The following GMDS variants were observed in gnomAD, a reference collection of about 807,000 sequenced individuals.
GMDS encodes the protein GDP-mannose 4,6-dehydratase, also known as GDP-mannose 4,6 dehydratase.
In GMDS, 20 loss-of-function variants were observed where a neutral mutation model predicts 49.9. The observed-to-expected ratio is 0.40, with a 90% CI of 0.28 to 0.58. GMDS has a LOEUF of 0.58. Ranked by LOEUF, GMDS falls within the 20% of genes least tolerant of loss-of-function variation. GMDS has a pLI of 0.42. For missense variants in GMDS, 362 were observed against 481.4 expected, an observed-to-expected ratio of 0.75 and a Z score of 2.32; for synonymous variants, 177 against 178.6, an observed-to-expected ratio of 0.99 and a Z score of 0.07.
At position 1,911,136 on chromosome 6, in the gene GMDS, C is replaced by T. The variant is rs3778550; in HGVS notation, c.771+18967G>A. On this transcript the variant is annotated intron_variant, in intron 7 of 10. Transcript: ENST00000380815. ...TATTTGATGTGGGTAATAGACAGGGCCCTCCAAGAGGAACGTTTCTAAAAG... is the reference window on the plus strand; with the variant it reads ...TATTTGATGTGGGTAATAGACAGGGTCCTCCAAGAGGAACGTTTCTAAAAG... 5.4e-3 allele frequency among the ~76,000 whole-genome samples: 824 copies of T among 152,110 alleles called. 58 individuals are homozygous for T. In the East Asian group the frequency reaches 0.14, roughly 27 times the overall value.
Position 1,710,324 on chromosome 6 carries a change from A to G in GMDS, c.987+16092T>C, listed in dbSNP as rs577598586. ...TGCTGAGAACACAGCAGATCTACTC[A>G]TCAACTTGGTAAAGAAACCAATCAC... On this transcript the variant is annotated intron_variant, in intron 9 of 10. Coordinates refer to ENST00000380815, the MANE Select transcript of GMDS (RefSeq NM_001500.4). Among the ~76,000 whole-genome samples, 3 of 152,370 alleles carry G rather than the reference A, an allele frequency of 2.0e-5. No individual in the cohort carries two copies. The East Asian group carries it at 5.8e-4, about 29-fold the overall frequency.
intron 7 of GMDS, among the ~76,000 whole-genome samples, chr6:1,802,055 C>T (rs1581198130): frequency 6.6e-6 from 1 of 152,156 alleles, no homozygotes; most frequent in Non-Finnish European, 1.5e-5. Flanking sequence ...GCAAATTGTA[C>T]TTAATAAAGG....
chr6:1,831,586 C>T (rs1046615146), intron 7 of GMDS, among the ~76,000 whole-genome samples: 1 of 152,214 alleles, frequency 6.6e-6, no homozygotes, highest in African/African-American at 2.4e-5. Flanking sequence ...CCATGTCACT[C>T]AGGCGATAGA....
chr6:1,944,491 C>T (rs755806198), intron 6 of GMDS, among the ~76,000 whole-genome samples: 4 of 149,076 alleles, frequency 2.7e-5, no homozygotes, highest in Non-Finnish European at 5.9e-5. Context: ...GGCGACAGAG[C>T]CAGATTGCGT....
At chr6:1,841,060 T>C (rs974465383) in intron 7 of GMDS, among the ~76,000 whole-genome samples, 7 of 152,208 alleles carry the variant, frequency 4.6e-5, no homozygotes, top group Admixed American at 6.5e-5. Flanking sequence ...TATCAGAGAC[T>C]GAACTAGCTA....
chr6:1,657,275 C>T (rs929037391), intron 9 of GMDS, among the ~76,000 whole-genome samples: 16 of 152,172 alleles, frequency 1.1e-4, no homozygotes, highest in African/African-American at 3.9e-4. Context: ...AGAGTGAGGA[C>T]TGAAGGGAGA....
chr6:1,794,898 G>T (rs1769678371), intron 7 of GMDS, among the ~76,000 whole-genome samples: 2 of 152,102 alleles, frequency 1.3e-5, no homozygotes, highest in Non-Finnish European at 2.9e-5. Flanking sequence ...CTAAAATGAG[G>T]CTGGGGTCAA....
chr6:1,843,782 A>C (rs1210448677), intron 7 of GMDS, among the ~76,000 whole-genome samples: 2 of 152,178 alleles, frequency 1.3e-5, no homozygotes, highest in South Asian at 2.1e-4. Flanking sequence ...TAAATAAATA[A>C]ATGCATGCAT....
At chr6:1,824,039 G>C (rs1396587180) in intron 7 of GMDS, among the ~76,000 whole-genome samples, 2 of 152,060 alleles carry the variant, frequency 1.3e-5, no homozygotes. Context: ...TGTGTCTCCT[G>C]TGTGCTTATG....
At chr6:1,982,351 C>T (rs1186498732) in intron 4 of GMDS, among the ~76,000 whole-genome samples, 1 of 152,174 alleles carries the variant, frequency 6.6e-6, no homozygotes, top group African/African-American at 2.4e-5. Flanking sequence ...TCTCACCACT[C>T]CTATTCAACA....
chr6:1,906,871 C>A (rs1760805131), intron 7 of GMDS, among the ~76,000 whole-genome samples: 2 of 152,174 alleles, frequency 1.3e-5, no homozygotes, highest in Non-Finnish European at 2.9e-5. Context: ...ACCAGCCATT[C>A]ATTCCCTAAT....
chr6:1,878,145 C>CCT (rs1303526246), intron 7 of GMDS, among the ~76,000 whole-genome samples: 2 of 151,912 alleles, frequency 1.3e-5, no homozygotes, highest in African/African-American at 4.8e-5. Context: ...AACCCCGTCT[C>CCT]TACTAAAAAT....
chr6:2,042,427 C>T (rs547134464), intron 4 of GMDS, among the ~76,000 whole-genome samples: 13 of 152,142 alleles, frequency 8.5e-5, no homozygotes, highest in Non-Finnish European at 1.5e-4. Context: ...CACTCAAACT[C>T]GTCCCCACCC....
chr6:2,100,193 T>C, intron 4 of GMDS, among the ~76,000 whole-genome samples: 2 of 152,202 alleles, frequency 1.3e-5, no homozygotes, highest in Middle Eastern at 6.8e-3. Flanking sequence ...ATTTAGAAGG[T>C]TTTATATTTC....
At chr6:1,668,801 G>A (rs1764317302) in intron 9 of GMDS, among the ~76,000 whole-genome samples, 1 of 152,146 alleles carries the variant, frequency 6.6e-6, no homozygotes, top group African/African-American at 2.4e-5. Context: ...AGAAAACAAT[G>A]CTACGAATTT....
intron 7 of GMDS, among the ~76,000 whole-genome samples, chr6:1,785,138 C>G (rs1291249216): frequency 6.6e-6 from 1 of 152,114 alleles, no homozygotes; most frequent in Non-Finnish European, 1.5e-5. Flanking sequence ...CCATTATTTT[C>G]TAACAGAGAG....
At chr6:1,985,153 C>A (rs1765467301) in intron 4 of GMDS, among the ~76,000 whole-genome samples, 1 of 152,174 alleles carries the variant, frequency 6.6e-6, no homozygotes, top group East Asian at 1.9e-4. Flanking sequence ...CACATGGCAA[C>A]AGACAAAGCT....
At chr6:1,777,784 A>G (rs1177221338) in intron 7 of GMDS, among the ~76,000 whole-genome samples, 2 of 152,244 alleles carry the variant, frequency 1.3e-5, no homozygotes, top group Non-Finnish European at 2.9e-5. Context: ...TACCTTCTCC[A>G]TTATAAAATG....
chr6:2,086,874 T>C (rs1046921669), intron 4 of GMDS, among the ~76,000 whole-genome samples: 8 of 152,228 alleles, frequency 5.3e-5, no homozygotes, highest in African/African-American at 1.7e-4. Flanking sequence ...TGTTTGCTGC[T>C]GTCTGGAGCA....
Sources: gnomAD v4.1 joint callset for allele counts (sites outside exome capture counted in the v4.1 genomes callset) on GRCh38, gnomAD v4.1.1 for gene constraint, MANE v1.5 for transcripts, NCBI Gene and HGNC (gene_info 2026-07-23, HGNC 2026-07-21) for gene names.